TET3: variants seen among roughly 807,000 people sequenced by gnomAD.
The protein encoded by TET3 is methylcytosine dioxygenase TET3.
A neutral mutation model predicts 141.4 loss-of-function variants in TET3; 19 were observed. The ratio of observed to expected loss-of-function variants is 0.13; its 90% confidence interval spans 0.09 to 0.20. The LOEUF is 0.20. TET3 is among the 10% of genes least tolerant of loss of function. The pLI is 1.00. For synonymous variants in TET3, 1,043 were observed against 980.9 expected, an observed-to-expected ratio of 1.06 and a Z score of -1.18; for missense variants, 1,874 against 2,356.9, an observed-to-expected ratio of 0.80 and a Z score of 4.24.
rs1244377271 is a variant in TET3, at chr2:74,101,099, G to C, written c.4311G>C (p.Gln1437His). ...GAGGACCCAGTCACCTTTGGGGACA[G>C]TACTCAGGAGGCCCAAGCATGTCCC... is the stretch of plus-strand genomic sequence containing the variant. The part of the protein sequence containing the change: ...QNGGPSHLWG[Q>H]YSGGPSMSPK... Residue 1437 changes from glutamine (Q) to histidine (H), a missense_variant, in exon 12 of 12, where the codon CAG (glutamine) becomes CAC (histidine). By Grantham distance (24) the Gln-to-His change is conservative. Transcript: ENST00000409262. The surrounding 1 kb of genome is among the most constrained non-coding windows in gnomAD (Gnocchi z 8.5). 2 of 1,613,288 alleles carry C rather than the reference G, an allele frequency of 1.2e-6. No homozygotes were observed. The highest frequency in any genetic ancestry group is 2.2e-5 in the East Asian group (1 of 44,868).
chr2:74,080,710 G>GA, intron 6 of TET3, 119 bp downstream of exon 6: 1 of 314,798 alleles, frequency 3.2e-6, no homozygotes. Flanking sequence ...GGGGGGTGGG[G>GA]CCAGGTGGGT....
intron 10 of TET3, among the ~76,000 whole-genome samples, chr2:74,098,751 G>A (rs956177609): frequency 1.2e-4 from 19 of 152,030 alleles, no homozygotes; most frequent in Admixed American, 1.0e-3. Flanking sequence ...ATGCCACCAC[G>A]CCAGGCTAAT....
chr2:74,123,476 C>T, the TET3 span, among the ~76,000 whole-genome samples: 33,578 of 151,998 alleles, frequency 0.22, 4,277 homozygotes, highest in East Asian at 0.49. Flanking sequence ...AAACTGGACC[C>T]GGCCTGTGGG....
the TET3 span, chr2:74,123,106 G>T: frequency 1.3e-5 from 2 of 152,162 alleles, no homozygotes; most frequent in Non-Finnish European, 2.9e-5. Context: ...CAAAAATATT[G>T]TATATTATAG....
At position 73,986,596 on chromosome 2, in the gene TET3, C is replaced by T; in HGVS notation, c.193C>T (p.Arg65Trp). 1.6e-6 allele frequency: 2 copies of T among 1,232,178 alleles called. No individual in the cohort carries two copies. Among genetic ancestry groups the T allele is most frequent in the Non-Finnish European group, 1.0e-6 (1 of 988,006 alleles). 76.3% of individuals were successfully genotyped at this position (1,232,178 alleles called of 1,614,324 possible). ...GTGTGGTACTTGTGAGCCCTGCCGGCGGCTGGAAAACTGTGGCGCTTGCAC... is the reference window on the plus strand; with the variant it reads ...GTGTGGTACTTGTGAGCCCTGCCGGTGGCTGGAAAACTGTGGCGCTTGCAC... ...KRCGTCEPCR[R>W]LENCGACTSC... Residue 65 changes from arginine (R) to tryptophan (W), a missense_variant, in exon 2 of 12, where the codon CGG (arginine) becomes TGG (tryptophan). By Grantham distance (101) the Arg-to-Trp change is moderately radical. This residue lies in a region of TET3 where 366 missense variants were observed against 487.0 expected (regional missense o/e 0.75). Coordinates refer to ENST00000409262, the MANE Select transcript of TET3 (RefSeq NM_001287491.2).
chr2:74,098,419 G>A (rs1156520463), intron 10 of TET3, among the ~76,000 whole-genome samples: 1 of 152,034 alleles, frequency 6.6e-6, no homozygotes, highest in Admixed American at 6.5e-5. Context: ...GTGACCATAT[G>A]CATAATACCC....
chr2:73,986,571 G>A lies in TET3; in HGVS notation c.168G>A (p.Arg56=), dbSNP rs1684036967. 1 of 1,232,256 alleles carries A rather than the reference G, an allele frequency of 8.1e-7. No individual in the cohort carries two copies. The highest frequency in any genetic ancestry group is 3.2e-5 in the East Asian group (1 of 31,706). 76.3% of individuals were successfully genotyped at this position (1,232,256 alleles called of 1,614,324 possible). A position where few individuals can be genotyped will look rare whatever the true frequency, so the allele number is the denominator to read the frequency against. Residue 56 remains arginine, a synonymous_variant, in exon 2 of 12, where the codon CGG becomes CGA. Transcript: ENST00000409262. ...GGGDGRKKRK[R]CGTCEPCRRL... is the part of the protein sequence containing the mutation. ...GAGATGGTCGAAAGAAACGGAAACG[G>A]TGTGGTACTTGTGAGCCCTGCCGGC...
rs7589915 is a variant in TET3, at chr2:74,055,003, G to A, written c.2494+6592G>A. On this transcript the variant is annotated intron_variant, in intron 4 of 11. Transcript: ENST00000409262. ...CTTGACCTCCTAGGCTTGAGCGATCGTCCTGCCTCAGCCTCCCAAGTAGCC... is the reference window on the plus strand; with the variant it reads ...CTTGACCTCCTAGGCTTGAGCGATCATCCTGCCTCAGCCTCCCAAGTAGCC... Among the ~76,000 whole-genome samples the A allele has an allele frequency of 6.6e-5, 10 of 151,872 alleles. No homozygotes were observed. In the East Asian group the frequency reaches 1.7e-3, roughly 26 times the overall value.
intron 2 of TET3, among the ~76,000 whole-genome samples, chr2:73,991,005 C>T (rs1167601649): frequency 6.6e-6 from 1 of 151,908 alleles, no homozygotes; most frequent in African/African-American, 2.4e-5. Flanking sequence ...GATGGGGTTT[C>T]ACCATGTTGG....
chr2:74,078,082 A>G (rs933996424), intron 5 of TET3, among the ~76,000 whole-genome samples: 1 of 152,224 alleles, frequency 6.6e-6, no homozygotes, highest in Non-Finnish European at 1.5e-5. Flanking sequence ...AACAGTTTTC[A>G]TCCTTTTGCT....
At chr2:74,126,012 A>G in the TET3 span, among the ~76,000 whole-genome samples, 3 of 152,234 alleles carry the variant, frequency 2.0e-5, no homozygotes, top group African/African-American at 7.2e-5. Context: ...CAACCACCTC[A>G]GCCTCTGAGT....
intron 4 of TET3, among the ~76,000 whole-genome samples, chr2:74,057,993 G>A (rs1022676133): frequency 5.3e-5 from 8 of 152,154 alleles, no homozygotes; most frequent in African/African-American, 1.7e-4. Flanking sequence ...TTAAACCGCT[G>A]ATTTATATCT....
intron 5 of TET3, among the ~76,000 whole-genome samples, chr2:74,074,366 C>A (rs1689376720): frequency 1.3e-5 from 2 of 152,184 alleles, no homozygotes; most frequent in Admixed American, 6.5e-5. Flanking sequence ...TATGTTGAAT[C>A]TGGATTTTTC....
At chr2:74,098,488 A>G (rs1278893734) in intron 10 of TET3, among the ~76,000 whole-genome samples, 2 of 152,186 alleles carry the variant, frequency 1.3e-5, no homozygotes, top group East Asian at 3.8e-4. Context: ...GGTGACCGTG[A>G]TATTTAAAGT....
the TET3 span, among the ~76,000 whole-genome samples, chr2:74,124,586 A>G: frequency 6.6e-6 from 1 of 152,238 alleles, no homozygotes; most frequent in African/African-American, 2.4e-5. Flanking sequence ...ACTAAGAAAA[A>G]TTCTTCTGCC....
At chr2:74,081,653 C>T (rs760749365) in intron 6 of TET3, among the ~76,000 whole-genome samples, 2 of 152,088 alleles carry the variant, frequency 1.3e-5, no homozygotes, top group African/African-American at 4.8e-5. Flanking sequence ...GTGAGGGAGG[C>T]GGGTAAGATA....
At chr2:74,124,310 T>TG in the TET3 span, among the ~76,000 whole-genome samples, 2 of 131,714 alleles carry the variant, frequency 1.5e-5, no homozygotes, top group African/African-American at 2.9e-5. Context: ...GGGAGGGAGG[T>TG]GGGGGGTCAG....
intron 3 of TET3, among the ~76,000 whole-genome samples, chr2:74,030,064 A>G (rs2105285806): frequency 6.6e-6 from 1 of 152,308 alleles, no homozygotes; most frequent in South Asian, 2.1e-4. Flanking sequence ...TATCCAAGAG[A>G]AAGGACTCTG....
At chr2:74,023,506 G>C (rs1249169495) in intron 3 of TET3, among the ~76,000 whole-genome samples, 1 of 152,192 alleles carries the variant, frequency 6.6e-6, no homozygotes, top group African/African-American at 2.4e-5. Flanking sequence ...GCCTCCCAAA[G>C]TGCTGAGATT....
Sources: gnomAD v4.1 joint callset for allele counts (sites outside exome capture counted in the v4.1 genomes callset) on GRCh38, gnomAD v4.1.1 for gene constraint, gnomAD v4.1.1 regional missense constraint, Gnocchi (gnomAD v3.1) non-coding constraint, MANE v1.5 for transcripts, NCBI Gene and HGNC (gene_info 2026-07-23, HGNC 2026-07-21) for gene names.